The following CATSPERD variants were observed in gnomAD, a reference collection of about 807,000 sequenced individuals.
CATSPERD encodes cation channel sperm-associated auxiliary subunit delta.
Under a neutral mutation model 98.1 loss-of-function variants are expected in CATSPERD, and 86 were observed. That is an observed-to-expected ratio of 0.88 (90% confidence interval 0.74 to 1.05). The LOEUF is 1.05. CATSPERD is among the 50% of genes least tolerant of loss of function. The pLI is 0.00. For synonymous variants in CATSPERD, 394 were observed against 390.2 expected (o/e 1.01, Z -0.12); for missense variants, 995 against 1,005.7 (o/e 0.99, Z 0.14).
At position 5,768,320 on chromosome 19, in the gene CATSPERD, T is replaced by TTTTG. The variant is rs1555726804; in HGVS notation, c.1634+81_1634+82insGTTT. 4 of 496,162 alleles carry TTTTG rather than the reference T, an allele frequency of 8.1e-6. No homozygotes were observed. The East Asian group carries it at 1.3e-4, about 17-fold the overall frequency. The allele number at this position is 496,162 out of a possible 1,614,324, so 30.7% of individuals were successfully genotyped here. A position where few individuals can be genotyped will look rare whatever the true frequency, so the allele number is the denominator to read the frequency against. ...GCAAAAGCCAAGAGCAAATTAGGAATTTTATTTATTTATTTATTTATTTAT... is the reference window on the plus strand; with the variant it reads ...GCAAAAGCCAAGAGCAAATTAGGAATTTTGTTTATTTATTTATTTATTTATTTAT... On this transcript the variant is annotated intron_variant, in intron 18 of 21. Coordinates refer to ENST00000381624, the MANE Select transcript of CATSPERD (RefSeq NM_152784.4).
intron 4 of CATSPERD, among the ~76,000 whole-genome samples, chr19:5,733,245 T>C (rs539472965): frequency 6.6e-6 from 1 of 152,000 alleles, no homozygotes; most frequent in Non-Finnish European, 1.5e-5. Context: ...TCACCTGCCT[T>C]GGCCTCCCAA....
intron 4 of CATSPERD, among the ~76,000 whole-genome samples, chr19:5,733,512 A>T (rs1235231741): frequency 6.8e-6 from 1 of 146,652 alleles, no homozygotes; most frequent in Non-Finnish European, 1.5e-5. Context: ...ACCAGGCTGG[A>T]GTGACCCAGT....
At chr19:5,747,543 C>T (rs186442717) in intron 9 of CATSPERD, among the ~76,000 whole-genome samples, 1 of 151,916 alleles carries the variant, frequency 6.6e-6, no homozygotes, top group Admixed American at 6.6e-5. Flanking sequence ...ACAAAAAACT[C>T]AATGGCCATC....
intron 8 of CATSPERD, among the ~76,000 whole-genome samples, chr19:5,745,255 G>A (rs114810276): frequency 0.016 from 2,368 of 151,962 alleles, 64 homozygotes; most frequent in African/African-American, 0.055. Context: ...CTGGCCCAAT[G>A]GTACCATTTC....
chr19:5,764,861 C>T (rs572820900), intron 16 of CATSPERD, among the ~76,000 whole-genome samples: 3 of 151,996 alleles, frequency 2.0e-5, no homozygotes, highest in South Asian at 2.1e-4. Context: ...GCAATTTGCC[C>T]GCCTTGGCCT....
At chr19:5,772,143 G>T in intron 19 of CATSPERD, 1 of 408,302 alleles carries the variant, frequency 2.4e-6, no homozygotes, top group South Asian at 1.7e-5. Flanking sequence ...AACCTCCCAG[G>T]CTCAAGCGGT....
At chr19:5,739,054 G>A (rs1478946764) in intron 6 of CATSPERD, among the ~76,000 whole-genome samples, 1 of 151,602 alleles carries the variant, frequency 6.6e-6, no homozygotes, top group Non-Finnish European at 1.5e-5. Context: ...TAGGAGAGAT[G>A]GGGTTTCATT....
chr19:5,773,014 G>T lies in CATSPERD; in HGVS notation c.1941+49G>T, dbSNP rs181116583. On this transcript the variant is annotated intron_variant, in intron 20 of 21. Transcript: ENST00000381624. ...CCAGAAGAATCAGCAGCCCACCAGG[G>T]GGTGGGAGAGTGCGTGAGGACACCG... is the stretch of plus-strand genomic sequence containing the variant. 2.5e-6 allele frequency: 4 copies of T among 1,574,488 alleles called. No individual in the cohort carries two copies. In the African/African-American group the frequency reaches 5.4e-5, roughly 21 times the overall value.
intron 7 of CATSPERD, among the ~76,000 whole-genome samples, chr19:5,740,110 C>T (rs923540216): frequency 2.0e-5 from 3 of 151,310 alleles, no homozygotes; most frequent in Non-Finnish European, 2.9e-5. Flanking sequence ...GGAGAAACCC[C>T]GTCTCTACTA....
At position 5,741,784 on chromosome 19, in the gene CATSPERD, G is replaced by GC. The variant is rs1491107661; in HGVS notation, c.573+2346dup. Among the ~76,000 whole-genome samples, 6 of 84,572 alleles carry GC rather than the reference G, an allele frequency of 7.1e-5. 1 individual carries two copies. The highest frequency in any genetic ancestry group is 2.2e-4 in the Admixed American group (2 of 8,922). 55.5% of individuals were successfully genotyped at this position (84,572 alleles called of 152,430 possible). A position where few individuals can be genotyped will look rare whatever the true frequency, so the allele number is the denominator to read the frequency against. ...ATCCCAGCACTTTGGGATGCTGAAG[G>GC]CGGGGGGGGGGGGGTGGTGTGGATC... On this transcript the variant is annotated intron_variant, in intron 7 of 21. Coordinates refer to ENST00000381624, the MANE Select transcript of CATSPERD (RefSeq NM_152784.4).
chr19:5,757,599 A>ATTTTTT (rs534531838), intron 13 of CATSPERD, among the ~76,000 whole-genome samples: 18 of 91,828 alleles, frequency 2.0e-4, no homozygotes, highest in Non-Finnish European at 3.2e-4. Context: ...GCCTGGCCAA[A>ATTTTTT]TTTTTTTTTT....
chr19:5,771,492 C>T (rs2056643110), intron 19 of CATSPERD, among the ~76,000 whole-genome samples: 1 of 151,976 alleles, frequency 6.6e-6, no homozygotes. Flanking sequence ...CCTGCCTTGG[C>T]CTCTCAAAGT....
rs867390298 is a variant in CATSPERD, at chr19:5,741,800, G to A, written c.573+2361G>A. 2.6e-5 allele frequency among the ~76,000 whole-genome samples: 2 copies of A among 75,746 alleles called. 1 individual carries two copies. Among genetic ancestry groups the A allele is most frequent in the East Asian group, 5.4e-4 (2 of 3,734 alleles). 49.7% of individuals were successfully genotyped at this position (75,746 alleles called of 152,430 possible). On this transcript the variant is annotated intron_variant, in intron 7 of 21. Transcript: ENST00000381624. ...ATGCTGAAGGCGGGGGGGGGGGGGT[G>A]GTGTGGATCACTTGAGGTCAGGAGT...
rs2055790253 is a variant in CATSPERD, at chr19:5,734,029, G to T, written c.391+59G>T. On this transcript the variant is annotated intron_variant, in intron 5 of 21. Transcript: ENST00000381624. Reference sequence around the variant, plus strand: ...AGTGTAGTCAACATGAGAGAAGAGGGTATTAGTGTTGGAAGTATAAGCGAT... The same window carrying T: ...AGTGTAGTCAACATGAGAGAAGAGGTTATTAGTGTTGGAAGTATAAGCGAT... The T allele has an allele frequency of 5.0e-6, 5 of 1,004,682 alleles. 1 individual carries two copies. Among genetic ancestry groups the T allele is most frequent in the South Asian group, 1.4e-5 (1 of 70,248 alleles). The allele number at this position is 1,004,682 out of a possible 1,614,324, so 62.2% of individuals were successfully genotyped here. A position where few individuals can be genotyped will look rare whatever the true frequency, so the allele number is the denominator to read the frequency against.
chr19:5,751,531 CAAAAAAAAAAAAAAAAAAAAA>C lies in CATSPERD; in HGVS notation c.988-99_988-79del, dbSNP rs57266365. On this transcript the variant is annotated intron_variant, in intron 11 of 21. Transcript: ENST00000381624. ...CCTGGGAGACAGAGTGAGACTCCAT[CAAAAAAAAAAAAAAAAAAAAA>C]AAAAAAAAAAAAAAAATCTGCATCA... is the stretch of plus-strand genomic sequence containing the variant. The C allele has an allele frequency of 1.9e-4, 31 of 159,382 alleles. 1 individual carries two copies. Among genetic ancestry groups the C allele is most frequent in the Admixed American group, 2.7e-4 (1 of 3,714 alleles). 9.9% of individuals were successfully genotyped at this position (159,382 alleles called of 1,614,324 possible). A position where few individuals can be genotyped will look rare whatever the true frequency, so the allele number is the denominator to read the frequency against.
chr19:5,753,430 T>C lies in CATSPERD; in HGVS notation c.1165-702T>C, dbSNP rs542890684. On this transcript the variant is annotated intron_variant, in intron 12 of 21. Coordinates refer to ENST00000381624, the MANE Select transcript of CATSPERD (RefSeq NM_152784.4). Reference sequence around the variant, plus strand: ...AAAAAAAATTAGCTGGGCGTGGTGGTGGGCGCCTATAGTCTCAGCTACTTG... The same window carrying C: ...AAAAAAAATTAGCTGGGCGTGGTGGCGGGCGCCTATAGTCTCAGCTACTTG... 113 of 164,236 alleles carry C rather than the reference T, an allele frequency of 6.9e-4. 1 individual carries two copies. The highest frequency in any genetic ancestry group is 1.4e-3 in the Admixed American group (22 of 15,794). 10.2% of individuals were successfully genotyped at this position (164,236 alleles called of 1,614,324 possible).
In CATSPERD at chr19:5,733,896, C is replaced by G; in HGVS notation, c.317C>G (p.Ser106Trp). 2 of 1,612,814 alleles carry G rather than the reference C, an allele frequency of 1.2e-6. No individual in the cohort carries two copies. The highest frequency in any genetic ancestry group is 8.5e-7 in the Non-Finnish European group (1 of 1,179,734). ...GTGACATCAGCACATTTTGCTGGTT[C>G]GTTATTGCTGTTAGTAGTGGATCAA... The part of the protein sequence containing the change: ...PEVTSAHFAG[S>W]LLLLVVDQKV... Residue 106 changes from serine to tryptophan, a missense_variant, in exon 5 of 22, where the codon TCG becomes TGG. By Grantham distance (177) the Ser-to-Trp change is radical. This residue lies in a region of CATSPERD where 228 missense variants were observed against 209.6 expected (regional missense o/e 1.09). Coordinates refer to ENST00000381624, the MANE Select transcript of CATSPERD (RefSeq NM_152784.4).
At chr19:5,722,018 T>C (rs2055495020) in intron 1 of CATSPERD, among the ~76,000 whole-genome samples, 1 of 151,624 alleles carries the variant, frequency 6.6e-6, no homozygotes, top group Admixed American at 6.6e-5. Flanking sequence ...GGTCTCACTG[T>C]TTTGCCCAGG....
rs190657658 is a variant in CATSPERD, at chr19:5,725,146, C to G, written c.126+284C>G. The stretch of plus-strand genomic sequence containing the variant: ...TATCGAGTGTTCTGTTTACTTCTCT[C>G]TCAGATAGGAGATTTTATTTTTTGA... On this transcript the variant is annotated intron_variant, in intron 2 of 21. Coordinates refer to ENST00000381624, the MANE Select transcript of CATSPERD (RefSeq NM_152784.4). Among the ~76,000 whole-genome samples, 1,068 of 152,242 alleles carry G rather than the reference C, an allele frequency of 7.0e-3. 40 individuals are homozygous for G. The highest frequency in any genetic ancestry group is 0.06 in the Admixed American group (912 of 15,240).
Sources: allele counts gnomAD v4.1 joint callset (sites outside exome capture counted in the v4.1 genomes callset), GRCh38; gene constraint gnomAD v4.1.1; regional missense constraint gnomAD v4.1.1; transcripts MANE v1.5; gene names NCBI Gene and HGNC (gene_info 2026-07-23, HGNC 2026-07-21).